Variants in ABTB3 observed in about 807,000 individuals in gnomAD.
ABTB3 encodes the protein ankyrin repeat and BTB domain containing 3.
chr12:107,590,685 A>C, the ABTB3 span, among the ~76,000 whole-genome samples: 1 of 152,218 alleles, frequency 6.6e-6, no homozygotes. Flanking sequence ...GCAAAACAGA[A>C]ACACATTTGG....
At chr12:107,462,610 T>C in the ABTB3 span, among the ~76,000 whole-genome samples, 1 of 151,944 alleles carries the variant, frequency 6.6e-6, no homozygotes, top group Non-Finnish European at 1.5e-5. Context: ...GTGACAGTTA[T>C]GATGATGGTG....
chr12:107,497,005 C>G, the ABTB3 span, among the ~76,000 whole-genome samples: 6 of 152,184 alleles, frequency 3.9e-5, no homozygotes, highest in Non-Finnish European at 7.3e-5. Flanking sequence ...CAAGTCATCT[C>G]TATTCATTAA....
the ABTB3 span, among the ~76,000 whole-genome samples, chr12:107,414,400 A>C: frequency 1.3e-5 from 2 of 152,040 alleles, no homozygotes; most frequent in African/African-American, 4.8e-5. Flanking sequence ...CCCATTCCTC[A>C]CTTTCTTACA....
chr12:107,422,005 A>C, the ABTB3 span, among the ~76,000 whole-genome samples: 46 of 152,364 alleles, frequency 3.0e-4, no homozygotes, highest in African/African-American at 1.1e-3. Context: ...AAGACAAAGT[A>C]CAAAGAAAAA....
At chr12:107,468,961 G>A in the ABTB3 span, among the ~76,000 whole-genome samples, 5 of 152,162 alleles carry the variant, frequency 3.3e-5, no homozygotes, top group African/African-American at 1.2e-4. Context: ...GCTGATCACT[G>A]TAGGGATTTC....
the ABTB3 span, among the ~76,000 whole-genome samples, chr12:107,502,397 C>T: frequency 6.6e-6 from 1 of 151,964 alleles, no homozygotes; most frequent in Non-Finnish European, 1.5e-5. Flanking sequence ...AAACTCCCCA[C>T]GTTATTCTCA....
chr12:107,403,614 C>T, the ABTB3 span, among the ~76,000 whole-genome samples: 1 of 152,112 alleles, frequency 6.6e-6, no homozygotes, highest in Non-Finnish European at 1.5e-5. Flanking sequence ...TTCACCTTAT[C>T]CTTGACAAAA....
chr12:107,655,027 A>G, the ABTB3 span, among the ~76,000 whole-genome samples: 2 of 151,862 alleles, frequency 1.3e-5, no homozygotes, highest in African/African-American at 4.8e-5. Context: ...CTCCTTGACC[A>G]TGGTCACTCA....
chr12:107,565,812 G>A, the ABTB3 span, among the ~76,000 whole-genome samples: 1 of 152,294 alleles, frequency 6.6e-6, no homozygotes, highest in Non-Finnish European at 1.5e-5. Context: ...AGGGGCACAC[G>A]TGGTCCCCTT....
At chr12:107,377,349 C>T in the ABTB3 span, among the ~76,000 whole-genome samples, 12 of 151,998 alleles carry the variant, frequency 7.9e-5, no homozygotes, top group Non-Finnish European at 1.3e-4. Flanking sequence ...TGCTTCTCAC[C>T]CTTCCCTGCC....
At chr12:107,395,681 C>T in the ABTB3 span, among the ~76,000 whole-genome samples, 2 of 152,268 alleles carry the variant, frequency 1.3e-5, no homozygotes, top group Admixed American at 6.5e-5. Flanking sequence ...GGCCACGCTC[C>T]CCAGGTGCTG....
At chr12:107,482,977 TTTC>T in the ABTB3 span, among the ~76,000 whole-genome samples, 18 of 52,240 alleles carry the variant, frequency 3.4e-4, no homozygotes, top group Middle Eastern at 0.045. Context: ...TCTTTCTTTC[TTTC>T]TTTCTTTCCT....
chr12:107,323,351 A>G, the ABTB3 span, among the ~76,000 whole-genome samples: 1 of 152,152 alleles, frequency 6.6e-6, no homozygotes, highest in African/African-American at 2.4e-5. Flanking sequence ...TAAACTGCCC[A>G]GGCTAAGGAA....
chr12:107,574,074 C>G, the ABTB3 span, among the ~76,000 whole-genome samples: 1 of 152,190 alleles, frequency 6.6e-6, no homozygotes, highest in African/African-American at 2.4e-5. Context: ...AGAACAAACT[C>G]CCCAAGACTG....
chr12:107,491,153 G>A, the ABTB3 span, among the ~76,000 whole-genome samples: 12 of 152,108 alleles, frequency 7.9e-5, no homozygotes, highest in Non-Finnish European at 1.5e-4. Flanking sequence ...AGCTCTCCAA[G>A]ATCCATTCAT....
At chr12:107,373,637 C>A in the ABTB3 span, among the ~76,000 whole-genome samples, 2 of 152,190 alleles carry the variant, frequency 1.3e-5, no homozygotes, top group Non-Finnish European at 2.9e-5. Flanking sequence ...CATCCCACAT[C>A]CCCATCTCCA....
chr12:107,496,342 C>G, the ABTB3 span, among the ~76,000 whole-genome samples: 6 of 152,162 alleles, frequency 3.9e-5, no homozygotes, highest in African/African-American at 1.4e-4. Context: ...ATTAATCCCC[C>G]CTTTAAAAAT....
At chr12:107,558,229 G>A in the ABTB3 span, among the ~76,000 whole-genome samples, 15 of 152,172 alleles carry the variant, frequency 9.9e-5, no homozygotes, top group African/African-American at 1.9e-4. Flanking sequence ...CCATCAGCTC[G>A]TTTGCAGAGG....
the ABTB3 span, among the ~76,000 whole-genome samples, chr12:107,469,866 T>TTTTCTTTCTTTC: frequency 0.066 from 5,001 of 75,402 alleles, 859 homozygotes; most frequent in Admixed American, 0.11. Context: ...TCTTTCTTTC[T>TTTTCTTTCTTTC]TTTCTTTCTT....
Sources: gnomAD v4.1 joint callset for allele counts (sites outside exome capture counted in the v4.1 genomes callset) on GRCh38, gnomAD v4.1.1 for gene constraint, MANE v1.5 for transcripts, NCBI Gene and HGNC (gene_info 2026-07-23, HGNC 2026-07-21) for gene names.